NDST3: variants seen among roughly 807,000 people sequenced by gnomAD.
The protein encoded by NDST3 is bifunctional heparan sulfate N-deacetylase/N-sulfotransferase 3.
A neutral mutation model predicts 96.1 loss-of-function variants in NDST3; 58 were observed. That is an observed-to-expected ratio of 0.60 (90% CI 0.49 to 0.75). The LOEUF is 0.75. Ranked by LOEUF, NDST3 falls within the 30% of genes least tolerant of loss-of-function variation. The pLI is 0.00. For missense variants in NDST3, 788 were observed against 1,034.2 expected (o/e 0.76, Z 3.27); for synonymous variants, 333 against 359.7 (o/e 0.93, Z 0.84).
intron 1 of NDST3, among the ~76,000 whole-genome samples, chr4:118,038,435 C>T (rs1252699341): frequency 1.3e-5 from 2 of 152,116 alleles, no homozygotes; most frequent in African/African-American, 4.8e-5. Context: ...ATGTACCAAA[C>T]AAAGCTAATG....
intron 6 of NDST3, among the ~76,000 whole-genome samples, chr4:118,195,918 A>G (rs1260697784): frequency 1.3e-5 from 2 of 152,278 alleles, no homozygotes; most frequent in East Asian, 1.9e-4. Flanking sequence ...CATCCTTGTC[A>G]TGATCCAGAT....
intron 1 of NDST3, among the ~76,000 whole-genome samples, chr4:118,041,796 A>C (rs1032223680): frequency 1.3e-5 from 2 of 152,244 alleles, no homozygotes; most frequent in Non-Finnish European, 2.9e-5. Context: ...GGCCTTTAAA[A>C]GTGTTTTCAT....
At position 118,175,660 on chromosome 4, in the gene NDST3, T is replaced by C. The variant is rs957489712; in HGVS notation, c.1539+31976T>C. Among the ~76,000 whole-genome samples, 3 of 152,098 alleles carry C rather than the reference T, an allele frequency of 2.0e-5. No homozygotes were observed. In the East Asian group the frequency reaches 5.8e-4, roughly 29 times the overall value. ...CGCCATGGGCCCTCCTTGATAGAGG[T>C]GAAGCTAAACCATATCCTTGTGGCA... On this transcript the variant is annotated intron_variant, in intron 6 of 13. Coordinates refer to ENST00000296499, the MANE Select transcript of NDST3 (RefSeq NM_004784.3).
At chr4:118,167,095 A>G (rs1735602395) in intron 6 of NDST3, among the ~76,000 whole-genome samples, 1 of 151,794 alleles carries the variant, frequency 6.6e-6, no homozygotes, top group African/African-American at 2.4e-5. Context: ...AAAGAGTAAA[A>G]TTATCTCTGT....
intron 7 of NDST3, among the ~76,000 whole-genome samples, chr4:118,226,532 C>T (rs1290957046): frequency 2.0e-5 from 3 of 152,052 alleles, no homozygotes; most frequent in Non-Finnish European, 4.4e-5. Flanking sequence ...GTATTGAATA[C>T]TGAGTGTATC....
At chr4:118,196,601 C>T (rs1006983974) in intron 6 of NDST3, among the ~76,000 whole-genome samples, 1 of 151,920 alleles carries the variant, frequency 6.6e-6, no homozygotes, top group Non-Finnish European at 1.5e-5. Context: ...AGGAATTTGC[C>T]CATTTCTTCT....
rs554723830 is a variant in NDST3 at position 118,114,658 on chromosome 4, T to A, written c.1070-148T>A. 2.7e-5 allele frequency: 19 copies of A among 714,882 alleles called. No homozygotes were observed. In the African/African-American group the frequency reaches 2.7e-4, roughly 10 times the overall value. 44.3% of individuals were successfully genotyped at this position (714,882 alleles called of 1,614,324 possible). On this transcript the variant is annotated intron_variant, in intron 3 of 13. Coordinates refer to ENST00000296499, the MANE Select transcript of NDST3 (RefSeq NM_004784.3). ...TTCCTGATTAACAGATTTTCCTTGA[T>A]ACATTTGGGTTTAAAGCCTTATACG...
intron 6 of NDST3, among the ~76,000 whole-genome samples, chr4:118,157,391 A>G (rs1211881674): frequency 6.6e-6 from 1 of 150,868 alleles, no homozygotes; most frequent in Non-Finnish European, 1.5e-5. Context: ...TGGGAGAAAC[A>G]CTTCACTACG....
chr4:118,218,645 C>T (rs893015250), intron 6 of NDST3, among the ~76,000 whole-genome samples: 4 of 152,032 alleles, frequency 2.6e-5, no homozygotes, highest in Admixed American at 2.6e-4. Context: ...ACAAGGATGG[C>T]CTCTTTCACC....
rs527833717 is a variant in NDST3, at chr4:118,235,111, C to CA, written c.1944-1927dup. ...AATAACAAATAAATGTGGAGTATTG[C>CA]AAAAAAAATCCCATTTTTCAGGTAA... On this transcript the variant is annotated intron_variant, in intron 9 of 13. Transcript: ENST00000296499. Among the ~76,000 whole-genome samples, 63 of 149,960 alleles carry CA rather than the reference C, an allele frequency of 4.2e-4. 2 individuals carry two copies. The South Asian group carries it at 6.3e-3, about 15-fold the overall frequency.
intron 2 of NDST3, among the ~76,000 whole-genome samples, chr4:118,072,336 C>T (rs1727148982): frequency 6.6e-6 from 1 of 152,004 alleles, no homozygotes; most frequent in Admixed American, 6.6e-5. Context: ...GCAATTTTAA[C>T]AATATTGATT....
At chr4:118,086,696 T>C (rs948813240) in intron 2 of NDST3, among the ~76,000 whole-genome samples, 1 of 152,176 alleles carries the variant, frequency 6.6e-6, no homozygotes, top group African/African-American at 2.4e-5. Context: ...CTACAGTCTA[T>C]ACTACAAATG....
intron 8 of NDST3, among the ~76,000 whole-genome samples, chr4:118,231,439 T>C (rs537550837): frequency 1.0e-3 from 158 of 150,564 alleles, no homozygotes; most frequent in African/African-American, 3.6e-3. Context: ...CTATTTATAC[T>C]ACTATTATTT....
At chr4:118,132,600 C>T (rs537110362) in intron 4 of NDST3, among the ~76,000 whole-genome samples, 1 of 152,236 alleles carries the variant, frequency 6.6e-6, no homozygotes, top group South Asian at 2.1e-4. Flanking sequence ...ACAAAGTCCC[C>T]TTTACTTTTC....
chr4:118,255,727 T>C lies in NDST3; in HGVS notation c.*15T>C. The C allele has an allele frequency of 5.6e-6, 9 of 1,603,676 alleles. No individual in the cohort carries two copies. Among genetic ancestry groups the C allele is most frequent in the Non-Finnish European group, 6.8e-6 (8 of 1,174,682 alleles). On this transcript the variant is annotated 3_prime_UTR_variant, in exon 14 of 14. Coordinates refer to ENST00000296499, the MANE Select transcript of NDST3 (RefSeq NM_004784.3). ...AAGTAAGATAGCACTGAGAGAAAAC[T>C]TGAGACTTCATCGTCCATGTAGAAC...
At chr4:118,218,494 C>T (rs573372519) in intron 6 of NDST3, among the ~76,000 whole-genome samples, 12 of 152,088 alleles carry the variant, frequency 7.9e-5, no homozygotes, top group Admixed American at 7.9e-4. Context: ...ATTCAACATC[C>T]CTTTATGTTA....
intron 8 of NDST3, 149 bp downstream of exon 8, chr4:118,227,131 A>C: frequency 1.6e-6 from 1 of 617,372 alleles, no homozygotes; most frequent in Non-Finnish European, 2.8e-6. Flanking sequence ...TTAGCCCAGT[A>C]ATATACCTAA....
intron 4 of NDST3, among the ~76,000 whole-genome samples, chr4:118,129,910 G>A (rs553488033): frequency 1.2e-4 from 18 of 151,940 alleles, no homozygotes; most frequent in African/African-American, 2.9e-4. Context: ...ATACTATTAC[G>A]GGGTTGACTC....
At chr4:118,130,822 G>A (rs1732549961) in intron 4 of NDST3, among the ~76,000 whole-genome samples, 2 of 152,138 alleles carry the variant, frequency 1.3e-5, no homozygotes, top group Admixed American at 1.3e-4. Flanking sequence ...CATGCTTGAA[G>A]AATATTTCCA....
Sources: allele counts gnomAD v4.1 joint callset (sites outside exome capture counted in the v4.1 genomes callset), GRCh38; gene constraint gnomAD v4.1.1; transcripts MANE v1.5; gene names NCBI Gene and HGNC (gene_info 2026-07-23, HGNC 2026-07-21).